Variants in SMYD3 observed in about 807,000 individuals in gnomAD.
The protein encoded by SMYD3 is histone-lysine N-methyltransferase SMYD3.
Under a neutral mutation model 57.7 loss-of-function variants are expected in SMYD3, and 36 were observed. The observed-to-expected ratio is 0.62, with a 90% CI of 0.48 to 0.82. The LOEUF (loss-of-function observed/expected upper bound fraction) is 0.82. Among genes scored for constraint, SMYD3 ranks in the 40% least tolerant of loss-of-function variants. SMYD3 has a pLI of 0.00. For synonymous variants in SMYD3, 211 were observed against 195.0 expected (o/e 1.08, Z -0.68); for missense variants, 515 against 538.8 (o/e 0.96, Z 0.44).
chr1:246,335,287 C>T, intron 3 of SMYD3, 80 bp downstream of exon 3: 1 of 1,236,934 alleles, frequency 8.1e-7, no homozygotes, highest in Non-Finnish European at 1.2e-6. Flanking sequence ...CCTGCAACAT[C>T]TCTGAGGTAT....
intron 5 of SMYD3, among the ~76,000 whole-genome samples, chr1:246,215,464 A>T (rs958250286): frequency 2.8e-4 from 42 of 152,052 alleles, no homozygotes; most frequent in African/African-American, 1.0e-3. Flanking sequence ...TTTTTTTTTA[A>T]TGCTGAGCCA....
chr1:246,076,626 CTTTCTGGCTCAT>C (rs1200308130), intron 5 of SMYD3, among the ~76,000 whole-genome samples: 2 of 151,584 alleles, frequency 1.3e-5, no homozygotes, highest in Non-Finnish European at 2.9e-5. Flanking sequence ...CTTACTTGCT[CTTTCTGGCTCAT>C]TTATTTTAAC....
chr1:245,947,049 G>A (rs1480980041), intron 5 of SMYD3, among the ~76,000 whole-genome samples: 1 of 152,134 alleles, frequency 6.6e-6, no homozygotes, highest in Non-Finnish European at 1.5e-5. Context: ...GCCCTGGGAG[G>A]CGGGCTGGCC....
At position 245,827,393 on chromosome 1, in the gene SMYD3, C is replaced by T. The variant is rs77528208; in HGVS notation, c.1076+31103G>A. Among the ~76,000 whole-genome samples, 1,337 of 152,268 alleles carry T rather than the reference C, an allele frequency of 8.8e-3. 28 individuals carry two copies. Among genetic ancestry groups the T allele is most frequent in the East Asian group, 0.077 (398 of 5,176 alleles). On this transcript the variant is annotated intron_variant, in intron 10 of 11. Coordinates refer to ENST00000490107, the MANE Select transcript of SMYD3 (RefSeq NM_001167740.2). Reference sequence around the variant, plus strand: ...CATTAGCTACAGAGCTGGGGTGATGCCTCGAACTCACGATGCCTGGCCCAG... The same window carrying T: ...CATTAGCTACAGAGCTGGGGTGATGTCTCGAACTCACGATGCCTGGCCCAG...
intron 2 of SMYD3, among the ~76,000 whole-genome samples, chr1:246,337,193 T>C (rs922421359): frequency 5.3e-5 from 8 of 152,296 alleles, no homozygotes; most frequent in Non-Finnish European, 1.2e-4. Context: ...AAAATATACA[T>C]GGTACAATTG....
chr1:246,062,463 G>A (rs144396796), intron 5 of SMYD3, among the ~76,000 whole-genome samples: 114 of 152,322 alleles, frequency 7.5e-4, no homozygotes, highest in African/African-American at 2.5e-3. Flanking sequence ...GACACCAGAA[G>A]AGGACAAAAA....
chr1:245,769,514 C>T (rs559437147), intron 10 of SMYD3, among the ~76,000 whole-genome samples: 7 of 152,128 alleles, frequency 4.6e-5, no homozygotes, highest in South Asian at 2.1e-4. Context: ...TCAATCACAT[C>T]GAAAGAAAAA....
chr1:246,384,680 A>G (rs559312656), intron 1 of SMYD3, among the ~76,000 whole-genome samples: 18 of 152,348 alleles, frequency 1.2e-4, no homozygotes, highest in Admixed American at 1.2e-3. Flanking sequence ...TACAGGCGTG[A>G]GCCACTGCAC....
chr1:246,221,240 C>T (rs1296741792), intron 5 of SMYD3, among the ~76,000 whole-genome samples: 2 of 152,176 alleles, frequency 1.3e-5, no homozygotes, highest in Admixed American at 6.5e-5. Flanking sequence ...CTCATTGGGA[C>T]ATCCTGGCTA....
At chr1:246,003,237 T>C (rs2059110639) in intron 5 of SMYD3, among the ~76,000 whole-genome samples, 1 of 152,180 alleles carries the variant, frequency 6.6e-6, no homozygotes, top group Admixed American at 6.5e-5. Flanking sequence ...AATTCACAGG[T>C]CATTAGGCTT....
At chr1:246,300,986 G>C (rs2064883921) in intron 5 of SMYD3, among the ~76,000 whole-genome samples, 1 of 152,086 alleles carries the variant, frequency 6.6e-6, no homozygotes, top group African/African-American at 2.4e-5. Context: ...TTTCTTTCTA[G>C]AATAATGCTA....
intron 1 of SMYD3, among the ~76,000 whole-genome samples, chr1:246,488,599 T>C (rs2068223300): frequency 6.6e-6 from 1 of 152,106 alleles, no homozygotes. Flanking sequence ...GGCAGGAGAA[T>C]AGCTTGAACC....
chr1:245,841,139 T>C (rs2050381034), intron 10 of SMYD3, among the ~76,000 whole-genome samples: 1 of 152,254 alleles, frequency 6.6e-6, no homozygotes, highest in Admixed American at 6.5e-5. Flanking sequence ...CAGGTCAATT[T>C]GCTGAAAGAC....
intron 11 of SMYD3, among the ~76,000 whole-genome samples, chr1:245,751,620 A>G (rs7546112): frequency 0.081 from 10,179 of 125,432 alleles, 394 homozygotes; most frequent in Middle Eastern, 0.13. Flanking sequence ...GAGAGAGAGA[A>G]AAAGAGAGAG....
intron 10 of SMYD3, among the ~76,000 whole-genome samples, chr1:245,846,678 G>A (rs2050680811): frequency 6.6e-6 from 1 of 152,130 alleles, no homozygotes. Flanking sequence ...CAAGTTGCTT[G>A]GTCCACAGTA....
At chr1:246,268,341 GA>G (rs1172839561) in intron 5 of SMYD3, among the ~76,000 whole-genome samples, 13 of 152,222 alleles carry the variant, frequency 8.5e-5, no homozygotes, top group East Asian at 5.8e-4. Context: ...GCAACATCAG[GA>G]AGTTACCCTA....
At chr1:246,102,756 A>T (rs951013624) in intron 5 of SMYD3, among the ~76,000 whole-genome samples, 3 of 135,324 alleles carry the variant, frequency 2.2e-5, no homozygotes, top group African/African-American at 9.0e-5. Context: ...AAAAAAAAAA[A>T]ATAATAATAA....
chr1:246,506,460 T>C (rs1048005647), intron 1 of SMYD3, among the ~76,000 whole-genome samples: 1 of 152,174 alleles, frequency 6.6e-6, no homozygotes, highest in Non-Finnish European at 1.5e-5. Flanking sequence ...GCCCTTCTGG[T>C]ACACTGTAAT....
intron 5 of SMYD3, among the ~76,000 whole-genome samples, chr1:246,273,575 CTTTTTTTTTTT>C (rs75025399): frequency 2.4e-5 from 2 of 84,386 alleles, no homozygotes; most frequent in Non-Finnish European, 4.3e-5. Context: ...TTTCACTAAT[CTTTTTTTTTTT>C]TTTTTTTTTT....
Sources: allele counts gnomAD v4.1 joint callset (sites outside exome capture counted in the v4.1 genomes callset), GRCh38; gene constraint gnomAD v4.1.1; transcripts MANE v1.5; gene names NCBI Gene and HGNC (gene_info 2026-07-23, HGNC 2026-07-21).